Variants in BLTP3B observed in about 807,000 individuals in gnomAD.
BLTP3B encodes the protein UHRF1 (ICBP90) binding protein 1-like.
chr12:100,124,970 A>ATATATATATATATT, the BLTP3B span, among the ~76,000 whole-genome samples: 1 of 101,080 alleles, frequency 9.9e-6, no homozygotes, highest in Non-Finnish European at 1.8e-5. Context: ...ATATATATAT[A>ATATATATATATATT]TATATATATT....
At chr12:100,080,447 G>A in the BLTP3B span, among the ~76,000 whole-genome samples, 3 of 151,990 alleles carry the variant, frequency 2.0e-5, no homozygotes, top group Non-Finnish European at 4.4e-5. Context: ...CCGCCTCCTG[G>A]AAACCCACCT....
chr12:100,037,769 T>C, the BLTP3B span: 1 of 1,577,788 alleles, frequency 6.3e-7, no homozygotes, highest in African/African-American at 1.4e-5. Flanking sequence ...AAATGATAAA[T>C]GGCGGGGGGA....
chr12:100,056,939 G>A, the BLTP3B span, among the ~76,000 whole-genome samples: 7 of 152,188 alleles, frequency 4.6e-5, no homozygotes, highest in African/African-American at 1.7e-4. Flanking sequence ...TCTAATTCCT[G>A]TTTACAAACT....
the BLTP3B span, chr12:100,037,668 G>C: frequency 1.2e-6 from 2 of 1,609,366 alleles, no homozygotes; most frequent in Admixed American, 1.7e-5. Flanking sequence ...ATATGATGAA[G>C]AAGAGCATCT....
chr12:100,112,858 CAAAAAAAAAAA>C, the BLTP3B span, among the ~76,000 whole-genome samples: 1 of 60,600 alleles, frequency 1.7e-5, no homozygotes, highest in African/African-American at 5.9e-5. Flanking sequence ...GACTCCATCT[CAAAAAAAAAAA>C]AAAAAAAAGA....
At chr12:100,118,195 A>G in the BLTP3B span, among the ~76,000 whole-genome samples, 2 of 152,080 alleles carry the variant, frequency 1.3e-5, no homozygotes, top group Non-Finnish European at 1.5e-5. Context: ...CAAAACTTTC[A>G]AGGTTGGCTG....
chr12:100,063,548 A>T, the BLTP3B span, among the ~76,000 whole-genome samples: 6 of 152,022 alleles, frequency 3.9e-5, no homozygotes, highest in African/African-American at 1.2e-4. Context: ...CTCTACTAAA[A>T]ATACAAAGTT....
chr12:100,047,784 T>C, the BLTP3B span: 1 of 1,101,212 alleles, frequency 9.1e-7, no homozygotes, highest in South Asian at 1.6e-5. Context: ...TATTTCCTAA[T>C]TTCCAAAAAA....
chr12:100,041,561 C>T, the BLTP3B span, among the ~76,000 whole-genome samples: 54 of 151,350 alleles, frequency 3.6e-4, no homozygotes, highest in Non-Finnish European at 5.5e-4. Context: ...CTCAGCCTCC[C>T]GAGTAGCTGG....
chr12:100,037,502 C>G, the BLTP3B span: 1 of 1,512,518 alleles, frequency 6.6e-7, no homozygotes, highest in Non-Finnish European at 8.7e-7. Flanking sequence ...AAATAGTCAC[C>G]ACTTCATCAC....
At chr12:100,070,543 C>T in the BLTP3B span, among the ~76,000 whole-genome samples, 1 of 152,084 alleles carries the variant, frequency 6.6e-6, no homozygotes, top group Non-Finnish European at 1.5e-5. Context: ...AGGCATGAGC[C>T]ACTGCACCTG....
the BLTP3B span, among the ~76,000 whole-genome samples, chr12:100,104,884 CAAAAAAAAAAAAAAA>C: frequency 1.5e-4 from 10 of 66,026 alleles, no homozygotes; most frequent in South Asian, 8.2e-4. Flanking sequence ...ACTGCTACTA[CAAAAAAAAAAAAAAA>C]AAAAAAAAAA....
chr12:100,057,222 A>G, the BLTP3B span, among the ~76,000 whole-genome samples: 1 of 152,326 alleles, frequency 6.6e-6, no homozygotes, highest in South Asian at 2.1e-4. Flanking sequence ...GACTGCATAC[A>G]TATAATTGCT....
At chr12:100,128,049 A>T in the BLTP3B span, among the ~76,000 whole-genome samples, 1 of 152,134 alleles carries the variant, frequency 6.6e-6, no homozygotes, top group South Asian at 2.1e-4. Context: ...CAAAAAAAGA[A>T]TCCCATTTGC....
the BLTP3B span, among the ~76,000 whole-genome samples, chr12:100,088,041 T>A: frequency 7.9e-5 from 12 of 152,270 alleles, no homozygotes; most frequent in East Asian, 1.4e-3. Flanking sequence ...CTGGAATCTT[T>A]TAGGCTGCCT....
At chr12:100,096,610 G>A in the BLTP3B span, among the ~76,000 whole-genome samples, 3 of 151,890 alleles carry the variant, frequency 2.0e-5, no homozygotes, top group African/African-American at 7.3e-5. Context: ...CTTGAAGCCA[G>A]GAGTTCATGA....
the BLTP3B span, among the ~76,000 whole-genome samples, chr12:100,137,680 T>C: frequency 6.6e-6 from 1 of 152,160 alleles, no homozygotes; most frequent in Non-Finnish European, 1.5e-5. Flanking sequence ...CCCCAGATAT[T>C]GCTCCTAAAC....
chr12:100,053,017 T>C, the BLTP3B span, among the ~76,000 whole-genome samples: 1 of 151,374 alleles, frequency 6.6e-6, no homozygotes, highest in Admixed American at 6.6e-5. Context: ...ATGGTCTCCA[T>C]CTCCTGACTT....
the BLTP3B span, chr12:100,060,055 A>C: frequency 6.5e-7 from 1 of 1,548,550 alleles, no homozygotes; most frequent in East Asian, 2.3e-5. Flanking sequence ...TGTGGAGACA[A>C]GATGTTTTTT....
Sources: gnomAD v4.1 joint callset for allele counts (sites outside exome capture counted in the v4.1 genomes callset) on GRCh38, gnomAD v4.1.1 for gene constraint, MANE v1.5 for transcripts, NCBI Gene and HGNC (gene_info 2026-07-23, HGNC 2026-07-21) for gene names.